ELMO1: variants seen among roughly 807,000 people sequenced by gnomAD.
ELMO1 encodes engulfment and cell motility protein 1.
In ELMO1, 26 loss-of-function variants were observed where a neutral mutation model predicts 98.9. That is an observed-to-expected ratio of 0.26 (90% CI 0.19 to 0.36). The LOEUF (loss-of-function observed/expected upper bound fraction) is 0.36. Ranked by LOEUF, ELMO1 falls within the 10% of genes least tolerant of loss-of-function variation. ELMO1 has a pLI of 1.00. For synonymous variants in ELMO1, 346 were observed against 346.0 expected, an observed-to-expected ratio of 1.00 and a Z score of 0.00; for missense variants, 627 against 935.2, an observed-to-expected ratio of 0.67 and a Z score of 4.30.
intron 6 of ELMO1, among the ~76,000 whole-genome samples, chr7:37,252,346 A>T (rs964803424): frequency 1.3e-5 from 2 of 152,250 alleles, no homozygotes; most frequent in Non-Finnish European, 2.9e-5. Context: ...ACAAGGCTAC[A>T]GTAACCAGAA....
At position 36,853,625 on chromosome 7, in the gene ELMO1, A is replaced by G. The variant is rs980974666; in HGVS notation, c.*1926T>C. 1.1e-4 allele frequency among the ~76,000 whole-genome samples: 16 copies of G among 152,202 alleles called. No homozygotes were observed. Among genetic ancestry groups the G allele is most frequent in the African/African-American group, 3.6e-4 (15 of 41,452 alleles). On this transcript the variant is annotated 3_prime_UTR_variant, in exon 22 of 22. Coordinates refer to ENST00000310758, the MANE Select transcript of ELMO1 (RefSeq NM_014800.11). ...GAAGGAACCCCTGTGAATGCAAAGGACTTTTTTCCTGCAATGCATGCAGTG... is the reference window on the plus strand; with the variant it reads ...GAAGGAACCCCTGTGAATGCAAAGGGCTTTTTTCCTGCAATGCATGCAGTG...
chr7:36,927,744 A>G (rs1454486702), intron 16 of ELMO1, among the ~76,000 whole-genome samples: 2 of 152,110 alleles, frequency 1.3e-5, no homozygotes, highest in Non-Finnish European at 2.9e-5. Flanking sequence ...ATTTAGCATC[A>G]CTCTAGAGAT....
chr7:37,137,298 G>T (rs1240245596), intron 13 of ELMO1, among the ~76,000 whole-genome samples: 2 of 152,104 alleles, frequency 1.3e-5, no homozygotes, highest in Non-Finnish European at 1.5e-5. Flanking sequence ...CCTAAGAAAT[G>T]ATATAGACGG....
chr7:37,090,886 G>T (rs576609078), intron 15 of ELMO1, among the ~76,000 whole-genome samples: 1 of 152,244 alleles, frequency 6.6e-6, no homozygotes, highest in South Asian at 2.1e-4. Flanking sequence ...ATGGAGAATG[G>T]GTTCTAAATC....
At chr7:37,012,472 T>C (rs561327625) in intron 16 of ELMO1, among the ~76,000 whole-genome samples, 118 of 152,312 alleles carry the variant, frequency 7.7e-4, no homozygotes, top group Non-Finnish European at 1.0e-3. Context: ...TCATGGGTGA[T>C]GGGCCTGACC....
intron 13 of ELMO1, among the ~76,000 whole-genome samples, chr7:37,145,405 T>C (rs1025007512): frequency 3.3e-5 from 5 of 152,250 alleles, no homozygotes; most frequent in African/African-American, 1.2e-4. Context: ...TGCTCAGGAC[T>C]CTTGTCAATA....
At chr7:37,448,452 A>C (rs866842343) in intron 1 of ELMO1, among the ~76,000 whole-genome samples, 1 of 150,642 alleles carries the variant, frequency 6.6e-6, no homozygotes, top group Non-Finnish European at 1.5e-5. Flanking sequence ...GACTTCCCCA[A>C]CTGCAGAGCG....
At chr7:37,406,266 T>TG (rs1803756336) in intron 1 of ELMO1, among the ~76,000 whole-genome samples, 1 of 111,076 alleles carries the variant, frequency 9.0e-6, no homozygotes, top group Non-Finnish European at 1.9e-5. Context: ...ATTACTCTTT[T>TG]GTTTTTTTTT....
intron 4 of ELMO1, 99 bp from the exon 5 acceptor site, chr7:37,271,981 G>T: frequency 1.0e-6 from 1 of 973,426 alleles, no homozygotes; most frequent in Non-Finnish European, 1.6e-6. Flanking sequence ...CAGGCATTCA[G>T]TTTATTCTCA....
At chr7:37,317,407 A>G (rs1309920891) in intron 2 of ELMO1, among the ~76,000 whole-genome samples, 2 of 152,246 alleles carry the variant, frequency 1.3e-5, no homozygotes, top group Non-Finnish European at 2.9e-5. Context: ...ACAATATCCA[A>G]GATTTGAAAG....
At chr7:36,963,037 C>T (rs1321856030) in intron 16 of ELMO1, among the ~76,000 whole-genome samples, 1 of 152,166 alleles carries the variant, frequency 6.6e-6, no homozygotes, top group African/African-American at 2.4e-5. Context: ...CTCTAGAAGA[C>T]TGGTTAAATA....
chr7:37,286,623 T>C (rs913534054), intron 4 of ELMO1, among the ~76,000 whole-genome samples: 5 of 152,198 alleles, frequency 3.3e-5, no homozygotes, highest in Non-Finnish European at 5.9e-5. Flanking sequence ...GCAGCTTCAG[T>C]ACCACACTCC....
In ELMO1 at chr7:36,973,367, G is replaced by A. The variant is rs138708155; in HGVS notation, c.1437+39932C>T. On this transcript the variant is annotated intron_variant, in intron 16 of 21. Coordinates refer to ENST00000310758, the MANE Select transcript of ELMO1 (RefSeq NM_014800.11). ...ACTGAGGCCTGACATTTAGGAGACT[G>A]TGTTTTAACAATGTCCCATTAGGGC... Among the ~76,000 whole-genome samples, 287 of 152,332 alleles carry A rather than the reference G, an allele frequency of 1.9e-3. 1 individual carries two copies. The highest frequency in any genetic ancestry group is 6.1e-3 in the African/African-American group (252 of 41,576).
intron 15 of ELMO1, among the ~76,000 whole-genome samples, chr7:37,057,175 A>C (rs926957362): frequency 6.6e-6 from 1 of 152,200 alleles, no homozygotes; most frequent in Non-Finnish European, 1.5e-5. Context: ...CGCAGGTTTT[A>C]CATTATTTTT....
chr7:37,277,124 C>A (rs994533084), intron 4 of ELMO1, among the ~76,000 whole-genome samples: 8 of 152,242 alleles, frequency 5.3e-5, no homozygotes, highest in Non-Finnish European at 1.0e-4. Context: ...TACTGTATGC[C>A]AGCCACAGAT....
At chr7:37,444,659 C>G (rs112312560) in intron 1 of ELMO1, among the ~76,000 whole-genome samples, 1 of 149,968 alleles carries the variant, frequency 6.7e-6, no homozygotes, top group East Asian at 1.9e-4. Context: ...ACTACAGGCA[C>G]CCACTACCAC....
chr7:36,911,961 A>G (rs1038916274), intron 16 of ELMO1, among the ~76,000 whole-genome samples: 142 of 152,222 alleles, frequency 9.3e-4, no homozygotes, highest in African/African-American at 3.3e-3. Flanking sequence ...TCGGCTCATC[A>G]CCCCAACACC....
chr7:37,127,148 A>G (rs1387079677), intron 14 of ELMO1, among the ~76,000 whole-genome samples: 1 of 152,218 alleles, frequency 6.6e-6, no homozygotes, highest in African/African-American at 2.4e-5. Flanking sequence ...CTCTGAAACT[A>G]AAGACTATCT....
chr7:36,886,176 C>T (rs1321942839), intron 18 of ELMO1, among the ~76,000 whole-genome samples: 5 of 152,204 alleles, frequency 3.3e-5, no homozygotes, highest in Admixed American at 6.5e-5. Context: ...GTTCCCTCTT[C>T]CACTGGTCTC....
Sources: gnomAD v4.1 joint callset for allele counts (sites outside exome capture counted in the v4.1 genomes callset) on GRCh38, gnomAD v4.1.1 for gene constraint, MANE v1.5 for transcripts, NCBI Gene and HGNC (gene_info 2026-07-23, HGNC 2026-07-21) for gene names.